CGAS: variants seen among roughly 807,000 people sequenced by gnomAD.
CGAS encodes the protein 2'3'-cGAMP synthase.
Under a neutral mutation model 34.0 loss-of-function variants are expected in CGAS, and 31 were observed. That is an observed-to-expected ratio of 0.91 (90% CI 0.69 to 1.23). The LOEUF is 1.23. Ranked by LOEUF, CGAS falls within the 50% of genes most tolerant of loss-of-function variation. The pLI, the probability that CGAS is intolerant of heterozygous loss-of-function variation, is 0.00. For synonymous variants in CGAS, 266 were observed against 260.0 expected, an observed-to-expected ratio of 1.02 and a Z score of -0.22; for missense variants, 597 against 657.6, an observed-to-expected ratio of 0.91 and a Z score of 1.01.
intron 3 of CGAS, among the ~76,000 whole-genome samples, chr6:73,431,393 C>T (rs1311004337): frequency 1.3e-5 from 2 of 151,930 alleles, no homozygotes; most frequent in African/African-American, 2.4e-5. Context: ...ATCACTTAAA[C>T]CTGGGAGGCG....
At chr6:73,430,238 G>A (rs1770171322) in intron 3 of CGAS, among the ~76,000 whole-genome samples, 1 of 152,092 alleles carries the variant, frequency 6.6e-6, no homozygotes, top group African/African-American at 2.4e-5. Context: ...GTCATAGCAA[G>A]CACAGTAAGG....
chr6:73,442,346 A>G (rs964961300), intron 2 of CGAS, among the ~76,000 whole-genome samples: 4 of 148,366 alleles, frequency 2.7e-5, no homozygotes, highest in Non-Finnish European at 5.9e-5. Flanking sequence ...CTCTCCTTTC[A>G]CCCCACATCT....
intron 2 of CGAS, 92 bp from the exon 3 acceptor site, chr6:73,440,537 CTG>C: frequency 8.9e-7 from 1 of 1,122,922 alleles, no homozygotes; most frequent in East Asian, 2.4e-5. Flanking sequence ...TTGAAGATCT[CTG>C]GTGTGCTAAG....
intron 1 of CGAS, among the ~76,000 whole-genome samples, chr6:73,449,823 C>T (rs191872102): frequency 1.0e-3 from 158 of 151,812 alleles, no homozygotes; most frequent in African/African-American, 3.2e-3. Context: ...GGTGAAACCC[C>T]GTCTCTACTA....
intron 1 of CGAS, among the ~76,000 whole-genome samples, chr6:73,449,628 A>G (rs1043822415): frequency 6.6e-5 from 10 of 152,318 alleles, no homozygotes; most frequent in Admixed American, 3.9e-4. Context: ...TACTTACATA[A>G]TAAGAATCAT....
chr6:73,432,468 ATTT>A lies in CGAS; in HGVS notation c.1115-3660_1115-3658del, dbSNP rs1415116729. On this transcript the variant is annotated intron_variant, in intron 3 of 4. Coordinates refer to ENST00000370315, the MANE Select transcript of CGAS (RefSeq NM_138441.3). ...GAGCCACCGCTCCCAGTCATTGATTATTTTTTTAAGACAAGGTTTCACTTTGTC... is the reference window on the plus strand; with the variant it reads ...GAGCCACCGCTCCCAGTCATTGATTATTTTAAGACAAGGTTTCACTTTGTC... Among the ~76,000 whole-genome samples, 6 of 148,510 alleles carry A rather than the reference ATTT, an allele frequency of 4.0e-5. No individual in the cohort carries two copies. In the East Asian group the frequency reaches 1.2e-3, roughly 30 times the overall value.
chr6:73,429,454 T>A (rs939340904), intron 3 of CGAS, among the ~76,000 whole-genome samples: 1 of 152,188 alleles, frequency 6.6e-6, no homozygotes, highest in Non-Finnish European at 1.5e-5. Context: ...TTCTGTACCA[T>A]CCTTACAGGT....
intron 3 of CGAS, among the ~76,000 whole-genome samples, chr6:73,435,572 GAA>G (rs1377452702): frequency 6.6e-6 from 1 of 151,482 alleles, no homozygotes; most frequent in East Asian, 1.9e-4. Flanking sequence ...TAAATTAAAA[GAA>G]AAAAAGTGTT....
chr6:73,452,095 G>C lies in CGAS; in HGVS notation c.87C>G (p.Gly29=). 1 of 1,586,112 alleles carries C rather than the reference G, an allele frequency of 6.3e-7. No homozygotes were observed. ...APKASARNAR[G]APMDPTESPA... ...GAGACTCGGTGGGATCCATCGGGGC[G>C]CCCCTGGCATTCCGTGCGGAAGCCT... The change falls in exon 1 of 5, where the codon GGC becomes GGG. Residue 29 remains glycine (G), a synonymous_variant. Transcript: ENST00000370315.
rs1333911244 is a variant in CGAS at position 73,445,591 on chromosome 6, A to G, written c.814T>C (p.Ser272Pro). The G allele has an allele frequency of 6.2e-7, 1 of 1,611,666 alleles. No homozygotes were observed. Among genetic ancestry groups the G allele is most frequent in the Admixed American group, 1.7e-5 (1 of 59,784 alleles). Residue 272 changes from serine (S) to proline (P), a missense_variant, in exon 2 of 5, where the codon TCA becomes CCA. By Grantham distance (74) the Ser-to-Pro change is moderately conservative. Around this residue, in one of 3 missense-constraint regions of CGAS, gnomAD observed 271 missense variants for 324.1 expected, o/e 0.84. Coordinates refer to ENST00000370315, the MANE Select transcript of CGAS (RefSeq NM_138441.3). ...AACTTTGACAGCATCTTAGAAGCTG[A>G]TAATATTTCACCTTCTAAAAACTGA... is the stretch of plus-strand genomic sequence containing the variant. ...LSQFLEGEIL[S>P]ASKMLSKFRK... is the part of the protein sequence containing the mutation.
chr6:73,446,980 C>T (rs1386477628), intron 1 of CGAS, among the ~76,000 whole-genome samples: 4 of 151,932 alleles, frequency 2.6e-5, no homozygotes, highest in Admixed American at 6.6e-5. Context: ...TGCTTGAACC[C>T]GGGAGGCGGA....
chr6:73,449,021 G>A (rs993716381), intron 1 of CGAS, among the ~76,000 whole-genome samples: 27 of 151,386 alleles, frequency 1.8e-4, no homozygotes, highest in Admixed American at 5.9e-4. Flanking sequence ...CCCGGGAGGC[G>A]GAGGTTACAG....
At chr6:73,450,130 AAAG>A (rs889463308) in intron 1 of CGAS, among the ~76,000 whole-genome samples, 6 of 150,944 alleles carry the variant, frequency 4.0e-5, no homozygotes, top group South Asian at 2.1e-4. Context: ...AAAGAAGAGA[AAAG>A]AAGCCGGGTG....
At chr6:73,427,696 C>CT (rs1267448533) in intron 4 of CGAS, among the ~76,000 whole-genome samples, 1 of 152,062 alleles carries the variant, frequency 6.6e-6, no homozygotes, top group Non-Finnish European at 1.5e-5. Context: ...TGGTGGGGTG[C>CT]AGTGTCTCAT....
At chr6:73,429,182 C>A (rs1770140726) in intron 3 of CGAS, among the ~76,000 whole-genome samples, 1 of 143,912 alleles carries the variant, frequency 6.9e-6, no homozygotes. Flanking sequence ...AAGAGCAAAA[C>A]TCCATCAAAA....
chr6:73,437,935 G>A lies in CGAS; in HGVS notation c.1114+2274C>T, dbSNP rs943055488. On this transcript the variant is annotated intron_variant, in intron 3 of 4. Transcript: ENST00000370315. ...ATACAAAAAATTAGCTGGGCATGGT[G>A]GCACGCACCTGTAGTCCCAGCTACT... Among the ~76,000 whole-genome samples the A allele has an allele frequency of 4.6e-5, 7 of 152,038 alleles. 1 individual carries two copies. The highest frequency in any genetic ancestry group is 1.7e-4 in the African/African-American group (7 of 41,402).
chr6:73,437,675 A>G (rs1394744526), intron 3 of CGAS, among the ~76,000 whole-genome samples: 1 of 152,218 alleles, frequency 6.6e-6, no homozygotes, highest in Non-Finnish European at 1.5e-5. Context: ...AAAAAACTGC[A>G]AGTAAATCAT....
chr6:73,426,522 A>ATT (rs113279771), intron 4 of CGAS, among the ~76,000 whole-genome samples: 4 of 140,642 alleles, frequency 2.8e-5, no homozygotes, highest in Admixed American at 7.2e-5. Context: ...TATTTATACT[A>ATT]TTTTTTTTTT....
rs1478946136 is a variant in CGAS at position 73,451,661 on chromosome 6, A to G, written c.521T>C (p.Leu174Pro). 1 of 1,613,954 alleles carries G rather than the reference A, an allele frequency of 6.2e-7. No individual in the cohort carries two copies. Among genetic ancestry groups the G allele is most frequent in the Non-Finnish European group, 8.5e-7 (1 of 1,180,022 alleles). ...KLRAVLEKLK[L>P]SRDDISTAAG... The stretch of plus-strand genomic sequence containing the variant: ...CGCCGTGGAGATATCATCGCGGCTG[A>G]GCTTCAACTTCTCCAAAACCGCCCG... The change falls in exon 1 of 5, where the codon CTC (leucine) becomes CCC (proline). Residue 174 changes from leucine (L) to proline (P), a missense_variant. Physicochemically the swap from Leu to Pro is moderately conservative, Grantham distance 98. Around this residue, in one of 3 missense-constraint regions of CGAS, gnomAD observed 321 missense variants for 314.3 expected, o/e 1.02. Transcript: ENST00000370315.
Sources: gnomAD v4.1 joint callset for allele counts (sites outside exome capture counted in the v4.1 genomes callset) on GRCh38, gnomAD v4.1.1 for gene constraint, gnomAD v4.1.1 regional missense constraint, MANE v1.5 for transcripts, NCBI Gene and HGNC (gene_info 2026-07-23, HGNC 2026-07-21) for gene names.